SOX5: variants seen among roughly 807,000 people sequenced by gnomAD.
The protein encoded by SOX5 is SRY-box transcription factor 5.
A neutral mutation model predicts 92.0 loss-of-function variants in SOX5; 9 were observed. That is an observed-to-expected ratio of 0.10 (90% confidence interval 0.06 to 0.17). The LOEUF (loss-of-function observed/expected upper bound fraction) is 0.17, where lower values mean the gene tolerates loss of function less well. SOX5 is among the 10% of genes least tolerant of loss of function. The pLI, the probability that SOX5 is intolerant of heterozygous loss-of-function variation, is 1.00. For synonymous variants in SOX5, 344 were observed against 336.3 expected (o/e 1.02, Z -0.25); for missense variants, 642 against 944.5 (o/e 0.68, Z 4.20).
intron 6 of SOX5, among the ~76,000 whole-genome samples, chr12:23,723,780 A>G (rs2092962206): frequency 6.6e-6 from 1 of 152,028 alleles, no homozygotes; most frequent in Non-Finnish European, 1.5e-5. Context: ...AAATATATGT[A>G]TATGACATTA....
In SOX5 at chr12:24,230,347, T is replaced by C. The variant is rs547696904; in HGVS notation, c.-76-16930A>G. ...GAGGACAATGATGGCAGAAATGAAA[T>C]AGTGCAGCCAGGAACAAAGGAACCA... On this transcript the variant is annotated intron_variant, in intron 3 of 4. Coordinates refer to the SOX5 transcript ENST00000446891. Among the ~76,000 whole-genome samples the C allele has an allele frequency of 7.9e-5, 12 of 152,044 alleles. No homozygotes were observed. In the South Asian group the frequency reaches 2.3e-3, roughly 29 times the overall value.
intron 3 of SOX5, among the ~76,000 whole-genome samples, chr12:23,833,116 A>G (rs1246391076): frequency 6.6e-6 from 1 of 152,040 alleles, no homozygotes; most frequent in Non-Finnish European, 1.5e-5. Flanking sequence ...TCATTTTGCA[A>G]ACAATTTCCA....
rs1555289243 is a variant in SOX5 at position 23,719,807 on chromosome 12, A to AAAAAC, written c.810+14872_810+14876dup. ...ATTTACCAAAAAAAAAAAAAAAAAA[A>AAAAAC]AAAACTGATGGATAGTTATTTCTGC... On this transcript the variant is annotated intron_variant, in intron 6 of 14. Transcript: ENST00000451604. Among the ~76,000 whole-genome samples the AAAAAC allele has an allele frequency of 6.4e-3, 903 of 140,434 alleles. 13 individuals carry two copies. The highest frequency in any genetic ancestry group is 8.1e-3 in the East Asian group (37 of 4,558). The allele number at this position is 140,434 out of a possible 152,430, so 92.1% of individuals were successfully genotyped here.
At chr12:23,619,744 C>A (rs1314574008) in intron 8 of SOX5, among the ~76,000 whole-genome samples, 1 of 152,108 alleles carries the variant, frequency 6.6e-6, no homozygotes, top group Non-Finnish European at 1.5e-5. Flanking sequence ...TTCCTTTTGG[C>A]TACTGCCAGT....
At chr12:23,797,977 T>G (rs1416055370) in intron 3 of SOX5, among the ~76,000 whole-genome samples, 2 of 151,926 alleles carry the variant, frequency 1.3e-5, no homozygotes. Flanking sequence ...GGAATGATCG[T>G]CCCCCAAATA....
intron 4 of SOX5, among the ~76,000 whole-genome samples, chr12:24,158,641 A>G (rs1442523543): frequency 6.6e-6 from 1 of 151,992 alleles, no homozygotes; most frequent in East Asian, 1.9e-4. Flanking sequence ...TTATTCCAGT[A>G]AATCTATTGT....
intron 1 of SOX5, among the ~76,000 whole-genome samples, chr12:24,534,240 C>T (rs767577991): frequency 6.6e-6 from 1 of 151,202 alleles, no homozygotes; most frequent in Non-Finnish European, 1.5e-5. Context: ...TTGAGGGTTT[C>T]ATGTTATTTC....
chr12:24,014,860 G>A (rs1322694323), intron 4 of SOX5, among the ~76,000 whole-genome samples: 1 of 152,140 alleles, frequency 6.6e-6, no homozygotes, highest in Non-Finnish European at 1.5e-5. Context: ...GAGAAGCACA[G>A]TATATTATTT....
intron 3 of SOX5, among the ~76,000 whole-genome samples, chr12:24,265,651 A>G (rs1408763582): frequency 1.3e-5 from 2 of 152,250 alleles, no homozygotes; most frequent in Non-Finnish European, 2.9e-5. Context: ...TCATTAAAGA[A>G]ATGTAGCTGA....
intron 4 of SOX5, among the ~76,000 whole-genome samples, chr12:23,979,704 TTTG>T (rs1393574294): frequency 0.025 from 1,976 of 78,516 alleles, 606 homozygotes; most frequent in African/African-American, 0.037. Context: ...ATATGTTTTT[TTTG>T]TTTTTTTTTT....
Position 23,578,117 on chromosome 12 carries a change from C to CAAAAAAAAAAAAAAAAAAAAAAAAA in SOX5, c.1165-2304_1165-2280dup, listed in dbSNP as rs1163938652. ...CCTGCGCAACAGAGTGAGACTGTGT[C>CAAAAAAAAAAAAAAAAAAAAAAAAA]AAAAAAAAAAAAAAAAAAAAAAAAA... On this transcript the variant is annotated intron_variant, in intron 9 of 14. Transcript: ENST00000451604. 4.0e-4 allele frequency among the ~76,000 whole-genome samples: 14 copies of CAAAAAAAAAAAAAAAAAAAAAAAAA among 34,896 alleles called. 1 individual carries two copies. The highest frequency in any genetic ancestry group is 1.1e-3 in the Admixed American group (2 of 1,778). 22.9% of individuals were successfully genotyped at this position (34,896 alleles called of 152,430 possible).
At chr12:24,006,434 G>A (rs1952172457) in intron 4 of SOX5, among the ~76,000 whole-genome samples, 1 of 152,000 alleles carries the variant, frequency 6.6e-6, no homozygotes, top group Admixed American at 6.6e-5. Context: ...GCTTTCTAAG[G>A]GAGGTACAGA....
chr12:24,162,874 C>A (rs909553179), intron 4 of SOX5, among the ~76,000 whole-genome samples: 1 of 152,108 alleles, frequency 6.6e-6, no homozygotes, highest in African/African-American at 2.4e-5. Flanking sequence ...CATCCACTTC[C>A]GACAGAGAAG....
intron 4 of SOX5, among the ~76,000 whole-genome samples, chr12:23,961,354 A>G (rs1314375652): frequency 1.3e-5 from 2 of 152,166 alleles, no homozygotes; most frequent in East Asian, 3.9e-4. Flanking sequence ...AACATATCAT[A>G]TATGATTGTT....
chr12:23,869,162 T>C (rs1238692902), intron 2 of SOX5, among the ~76,000 whole-genome samples: 3 of 152,176 alleles, frequency 2.0e-5, no homozygotes. Context: ...AGCCTACACT[T>C]ACATTTAGCT....
intron 2 of SOX5, among the ~76,000 whole-genome samples, chr12:24,313,097 T>C (rs1355616344): frequency 1.3e-5 from 2 of 152,184 alleles, no homozygotes; most frequent in East Asian, 3.9e-4. Flanking sequence ...AGAAGTTACA[T>C]GCTCACTGGG....
intron 3 of SOX5, among the ~76,000 whole-genome samples, chr12:24,224,013 A>G (rs1961231830): frequency 6.6e-6 from 1 of 152,216 alleles, no homozygotes; most frequent in South Asian, 2.1e-4. Context: ...ACTAAAGTGG[A>G]AAGGAAAGAG....
rs1045900703 is a variant in SOX5, at chr12:24,118,892, G to T, written c.-2+94451C>A. 3.3e-5 allele frequency among the ~76,000 whole-genome samples: 5 copies of T among 152,196 alleles called. No homozygotes were observed. The South Asian group carries it at 1.0e-3, about 32-fold the overall frequency. The stretch of plus-strand genomic sequence containing the variant: ...TAATACCAGCAGTAACTGAGATTAC[G>T]CAAGTGAAAATTCTCTACAGACTGG... On this transcript the variant is annotated intron_variant, in intron 4 of 4. Coordinates refer to the SOX5 transcript ENST00000446891.
At chr12:24,159,328 T>C (rs1235672655) in intron 4 of SOX5, among the ~76,000 whole-genome samples, 2 of 151,960 alleles carry the variant, frequency 1.3e-5, no homozygotes, top group Admixed American at 6.6e-5. Context: ...TCCTTGGATT[T>C]TTCCCATAAA....
Sources: allele counts gnomAD v4.1 joint callset (sites outside exome capture counted in the v4.1 genomes callset), GRCh38; gene constraint gnomAD v4.1.1; transcripts MANE v1.5; gene names NCBI Gene and HGNC (gene_info 2026-07-23, HGNC 2026-07-21).